MTCL2: variants seen among roughly 807,000 people sequenced by gnomAD.
MTCL2 encodes the protein microtubule cross-linking factor 2.
At chr20:36,829,513 CTTT>C in the MTCL2 span, among the ~76,000 whole-genome samples, 10 of 106,500 alleles carry the variant, frequency 9.4e-5, no homozygotes, top group East Asian at 1.2e-3. Flanking sequence ...TTACCTGAGG[CTTT>C]TTTTTTTTTT....
the MTCL2 span, among the ~76,000 whole-genome samples, chr20:36,848,272 C>T: frequency 6.6e-6 from 1 of 152,232 alleles, no homozygotes; most frequent in Non-Finnish European, 1.5e-5. Flanking sequence ...CACCCACTCC[C>T]TGCCCACAAG....
At chr20:36,812,712 C>A in the MTCL2 span, 1 of 1,613,902 alleles carries the variant, frequency 6.2e-7, no homozygotes, top group African/African-American at 1.3e-5. Flanking sequence ...ACCTCAGAGG[C>A]ATAGGAATCA....
chr20:36,787,064 C>T, the MTCL2 span, among the ~76,000 whole-genome samples: 2 of 151,840 alleles, frequency 1.3e-5, no homozygotes, highest in South Asian at 2.1e-4. Flanking sequence ...TGGGCTCAAG[C>T]GATCCTCCTG....
the MTCL2 span, among the ~76,000 whole-genome samples, chr20:36,853,111 C>T: frequency 3.3e-5 from 5 of 151,708 alleles, no homozygotes; most frequent in African/African-American, 1.2e-4. Flanking sequence ...CGCAGCCTGG[C>T]ATCACCGTGC....
At chr20:36,810,717 C>CTCTCCCTCTCTCTCT in the MTCL2 span, among the ~76,000 whole-genome samples, 1 of 94,194 alleles carries the variant, frequency 1.1e-5, no homozygotes, top group Non-Finnish European at 2.1e-5. Context: ...TCTCTCTCTC[C>CTCTCCCTCTCTCTCT]CTCTCTCTCT....
At chr20:36,790,324 T>G in the MTCL2 span, among the ~76,000 whole-genome samples, 19 of 151,704 alleles carry the variant, frequency 1.3e-4, no homozygotes, top group African/African-American at 4.6e-4. Context: ...GACAGGGTTT[T>G]GCTACGTTGG....
chr20:36,847,228 G>A, the MTCL2 span, among the ~76,000 whole-genome samples: 1 of 152,200 alleles, frequency 6.6e-6, no homozygotes, highest in Non-Finnish European at 1.5e-5. Flanking sequence ...AACAAGCCAC[G>A]TGGCCCTGGG....
At chr20:36,808,377 G>T in the MTCL2 span, 1 of 602,678 alleles carries the variant, frequency 1.7e-6, no homozygotes, top group African/African-American at 1.9e-5. Context: ...AAAAAGCAAC[G>T]AATGCAGGAA....
chr20:36,791,038 T>A, the MTCL2 span, among the ~76,000 whole-genome samples: 9 of 149,890 alleles, frequency 6.0e-5, no homozygotes, highest in South Asian at 2.1e-4. Flanking sequence ...ACATTTATAT[T>A]TTTTTTTTTG....
chr20:36,810,717 C>CCTCTCTCTCTCT, the MTCL2 span, among the ~76,000 whole-genome samples: 7,271 of 94,080 alleles, frequency 0.077, 721 homozygotes, highest in East Asian at 0.13. Context: ...TCTCTCTCTC[C>CCTCTCTCTCTCT]CTCTCTCTCT....
chr20:36,823,765 G>A, the MTCL2 span, among the ~76,000 whole-genome samples: 4 of 152,112 alleles, frequency 2.6e-5, no homozygotes, highest in Admixed American at 2.0e-4. Context: ...CCATGATCGT[G>A]CCACTACACT....
At chr20:36,797,622 C>T in the MTCL2 span, 4 of 1,516,328 alleles carry the variant, frequency 2.6e-6, no homozygotes, top group East Asian at 2.5e-5. Flanking sequence ...AGCTGGTATG[C>T]AGGACCCTGC....
the MTCL2 span, among the ~76,000 whole-genome samples, chr20:36,809,141 A>G: frequency 1.3e-5 from 2 of 152,304 alleles, no homozygotes; most frequent in South Asian, 4.1e-4. Context: ...GCAACACCCT[A>G]GGAAGCAATG....
At chr20:36,777,791 G>T in the MTCL2 span, 1 of 612,810 alleles carries the variant, frequency 1.6e-6, no homozygotes, top group East Asian at 3.4e-5. Flanking sequence ...ATTGGCGGGG[G>T]CTGGGGAGGG....
chr20:36,794,654 C>G, the MTCL2 span: 1 of 1,610,874 alleles, frequency 6.2e-7, no homozygotes, highest in Non-Finnish European at 8.5e-7. This position sits in a 1 kb window ranked among gnomAD's most constrained non-coding sequence, Gnocchi z 5.4. Context: ...ACTGAGGGCA[C>G]ACTCTGGTCT....
chr20:36,811,612 A>G, the MTCL2 span, among the ~76,000 whole-genome samples: 1 of 151,816 alleles, frequency 6.6e-6, no homozygotes, highest in African/African-American at 2.4e-5. Context: ...ACTGGGCAAC[A>G]GAGCGAGACT....
At chr20:36,860,489 G>A in the MTCL2 span, among the ~76,000 whole-genome samples, 16 of 152,174 alleles carry the variant, frequency 1.1e-4, no homozygotes, top group Admixed American at 5.9e-4. Context: ...AACAGCTGCC[G>A]AATGAACCAA....
the MTCL2 span, among the ~76,000 whole-genome samples, chr20:36,802,521 G>A: frequency 6.6e-6 from 1 of 152,200 alleles, no homozygotes; most frequent in East Asian, 1.9e-4. Context: ...CTCCAGGGGT[G>A]GGCACATGAC....
At chr20:36,812,664 C>A in the MTCL2 span, 1 of 1,607,122 alleles carries the variant, frequency 6.2e-7, no homozygotes, top group Non-Finnish European at 8.5e-7. Flanking sequence ...CAGTCACTCT[C>A]CTCCTACCCA....
Sources: gnomAD v4.1 joint callset for allele counts (sites outside exome capture counted in the v4.1 genomes callset) on GRCh38, gnomAD v4.1.1 for gene constraint, Gnocchi (gnomAD v3.1) non-coding constraint, MANE v1.5 for transcripts, NCBI Gene and HGNC (gene_info 2026-07-23, HGNC 2026-07-21) for gene names.